Variants in CACNA1B observed in about 807,000 individuals in gnomAD.
CACNA1B encodes the protein voltage-dependent N-type calcium channel subunit alpha-1B.
CACNA1B carries 70 observed loss-of-function variants against 247.2 expected under a neutral mutation model. The ratio of observed to expected loss-of-function variants is 0.28; its 90% CI spans 0.23 to 0.35. The LOEUF (loss-of-function observed/expected upper bound fraction) is 0.35. CACNA1B is among the 10% of genes least tolerant of loss of function. The pLI is 1.00. For missense variants in CACNA1B, 2,367 were observed against 3,197.4 expected, an observed-to-expected ratio of 0.74 and a Z score of 6.26; for synonymous variants, 1,231 against 1,294.4, an observed-to-expected ratio of 0.95 and a Z score of 1.05.
intron 10 of CACNA1B, among the ~76,000 whole-genome samples, chr9:137,964,634 A>T (rs1274316838): frequency 6.6e-6 from 1 of 152,352 alleles, no homozygotes; most frequent in East Asian, 1.9e-4. Flanking sequence ...TTGGGTTACC[A>T]CATGCTCTTA....
intron 3 of CACNA1B, among the ~76,000 whole-genome samples, chr9:137,905,992 G>A (rs534693819): frequency 4.6e-5 from 7 of 152,304 alleles, no homozygotes; most frequent in Admixed American, 2.0e-4. Flanking sequence ...AATACTAGTG[G>A]ACTATGGCAA....
intron 6 of CACNA1B, among the ~76,000 whole-genome samples, chr9:137,920,573 C>T (rs2133288136): frequency 6.6e-6 from 1 of 152,322 alleles, no homozygotes; most frequent in African/African-American, 2.4e-5. Flanking sequence ...TACCCAGGAG[C>T]TGTCAGAATG....
chr9:137,951,619 C>T (rs1042149683), intron 6 of CACNA1B, among the ~76,000 whole-genome samples: 4 of 152,250 alleles, frequency 2.6e-5, no homozygotes, highest in Non-Finnish European at 5.9e-5. Flanking sequence ...AATGAAACAA[C>T]TATGGAATCA....
rs1163014208 is a variant in CACNA1B at position 138,058,038 on chromosome 9, T to C, written c.4107-11T>C. 2 of 1,612,000 alleles carry C rather than the reference T, an allele frequency of 1.2e-6. No individual in the cohort carries two copies. Among genetic ancestry groups the C allele is most frequent in the South Asian group, 2.2e-5 (2 of 91,040 alleles). On this transcript the variant is annotated splice_polypyrimidine_tract_variant and intron_variant, in intron 27 of 46. Coordinates refer to ENST00000371372, the MANE Select transcript of CACNA1B (RefSeq NM_000718.4). This position sits in a 1 kb window ranked among gnomAD's most constrained non-coding sequence, Gnocchi z 4.7. ...GGGGTTCCCCTGACACTTGCTCTCC[T>C]CTTTGCCCAGGGTGCTGAAACACTC... is the stretch of plus-strand genomic sequence containing the variant.
At chr9:138,009,843 G>T (rs1164477720) in intron 16 of CACNA1B, among the ~76,000 whole-genome samples, 167 bp from the exon 17 acceptor site, 1 of 151,836 alleles carries the variant, frequency 6.6e-6, no homozygotes. Flanking sequence ...GGGCTGGAGG[G>T]CCTAGTGGCT....
At chr9:138,066,311 C>T (rs1564269026) in intron 31 of CACNA1B, among the ~76,000 whole-genome samples, 1 of 152,190 alleles carries the variant, frequency 6.6e-6, no homozygotes, top group Non-Finnish European at 1.5e-5. Flanking sequence ...GCGGGGCACG[C>T]TGGCTCACGC....
chr9:137,879,106 G>C lies in CACNA1B; in HGVS notation c.337G>C (p.Ala113Pro). The change falls in exon 2 of 47, where the codon GCC becomes CCC. Residue 113 changes from alanine to proline, a missense_variant. This residue lies in a region of CACNA1B where 130 missense variants were observed against 338.7 expected (regional missense o/e 0.38). Coordinates refer to ENST00000371372, the MANE Select transcript of CACNA1B (RefSeq NM_000718.4). ...CATCATCGCCAACTGCATCGTGCTG[G>C]CCCTGGAGCAGCACCTCCCTGATGG... is the stretch of plus-strand genomic sequence containing the variant. The part of the protein sequence containing the change: ...ATIIANCIVL[A>P]LEQHLPDGDK... 1 of 1,612,568 alleles carries C rather than the reference G, an allele frequency of 6.2e-7. No individual in the cohort carries two copies. Among genetic ancestry groups the C allele is most frequent in the South Asian group, 1.1e-5 (1 of 90,986 alleles).
Position 138,058,363 on chromosome 9 carries a change from C to A in CACNA1B, c.4308+113C>A. ...GGTCAGCTTTGGCTGCCACCGTCTG[C>A]CAACACAGGGGCAGGTCCTCCTTTC... On this transcript the variant is annotated intron_variant, in intron 28 of 46. Transcript: ENST00000371372. The surrounding 1 kb of genome is among the most constrained non-coding windows in gnomAD (Gnocchi z 4.7). 9.5e-7 allele frequency: 1 copy of A among 1,047,572 alleles called. No homozygotes were observed. The highest frequency in any genetic ancestry group is 1.5e-6 in the Non-Finnish European group (1 of 689,198). 64.9% of individuals were successfully genotyped at this position (1,047,572 alleles called of 1,614,324 possible). A position where few individuals can be genotyped will look rare whatever the true frequency, so the allele number is the denominator to read the frequency against.
Position 138,121,418 on chromosome 9 carries a change from T to C in CACNA1B, c.6490-51T>C, listed in dbSNP as rs1354143599. 4 of 68,130 alleles carry C rather than the reference T, an allele frequency of 5.9e-5. No homozygotes were observed. Among genetic ancestry groups the C allele is most frequent in the Non-Finnish European group, 6.8e-5 (3 of 44,056 alleles). 4.2% of individuals were successfully genotyped at this position (68,130 alleles called of 1,614,324 possible). A position where few individuals can be genotyped will look rare whatever the true frequency, so the allele number is the denominator to read the frequency against. ...GATGTGCTCTGTCTGTTGGTTCGGCTTTTTTTTTTTTTTTTTTACCTCTGA... is the reference window on the plus strand; with the variant it reads ...GATGTGCTCTGTCTGTTGGTTCGGCCTTTTTTTTTTTTTTTTTACCTCTGA... On this transcript the variant is annotated intron_variant, in intron 46 of 46. Coordinates refer to ENST00000371372, the MANE Select transcript of CACNA1B (RefSeq NM_000718.4). This position sits in a 1 kb window ranked among gnomAD's most constrained non-coding sequence, Gnocchi z 6.8.
chr9:138,105,875 C>A, intron 39 of CACNA1B, 68 bp downstream of exon 39: 2 of 870,450 alleles, frequency 2.3e-6, no homozygotes, highest in Non-Finnish European at 3.7e-6. Context: ...TCAGTGTCAG[C>A]CCCAGGAGGA....
rs1016762880 is a variant in CACNA1B at position 137,974,271 on chromosome 9, A to T, written c.1544-1636A>T. ...TTGAGGGTGGATCCTTCCATTCCCG[A>T]GCAGCCCTGCCTGAGGGTCGCTGGG... On this transcript the variant is annotated intron_variant, in intron 11 of 46. Transcript: ENST00000371372. The surrounding 1 kb of genome is among the most constrained non-coding windows in gnomAD (Gnocchi z 4.5). 2.0e-5 allele frequency among the ~76,000 whole-genome samples: 3 copies of T among 152,136 alleles called. No homozygotes were observed. Among genetic ancestry groups the T allele is most frequent in the African/African-American group, 7.2e-5 (3 of 41,426 alleles).
intron 10 of CACNA1B, among the ~76,000 whole-genome samples, chr9:137,969,563 T>A (rs1360784476): frequency 6.6e-6 from 1 of 152,138 alleles, no homozygotes; most frequent in Non-Finnish European, 1.5e-5. Context: ...GCCACGTGTG[T>A]GTGCAGACAC....
At chr9:137,911,031 C>A (rs554198830) in intron 3 of CACNA1B, among the ~76,000 whole-genome samples, 2 of 152,212 alleles carry the variant, frequency 1.3e-5, no homozygotes, top group South Asian at 4.1e-4. Context: ...ATATTTAGAT[C>A]TTTGATCCAT....
chr9:137,914,365 C>A lies in CACNA1B; in HGVS notation c.623-289C>A, dbSNP rs1164727436. On this transcript the variant is annotated intron_variant, in intron 4 of 46. Transcript: ENST00000371372. The surrounding 1 kb of genome is among the most constrained non-coding windows in gnomAD (Gnocchi z 4.3). ...CCACTCCCCACCCCAGACTTCATAC[C>A]CTGACACCCCCACATCCCACTCCTC... 6.6e-6 allele frequency among the ~76,000 whole-genome samples: 1 copy of A among 152,034 alleles called. No individual in the cohort carries two copies. Among genetic ancestry groups the A allele is most frequent in the Non-Finnish European group, 1.5e-5 (1 of 68,006 alleles).
At chr9:138,113,554 G>A (rs1342770992) in intron 40 of CACNA1B, among the ~76,000 whole-genome samples, 2 of 133,458 alleles carry the variant, frequency 1.5e-5, no homozygotes, top group African/African-American at 5.7e-5. Flanking sequence ...GTGAGGGAGC[G>A]CAGGAAGGTG....
rs112065322 is a variant in CACNA1B, at chr9:137,919,856, A to G, written c.966+2425A>G. On this transcript the variant is annotated intron_variant, in intron 6 of 46. Coordinates refer to ENST00000371372, the MANE Select transcript of CACNA1B (RefSeq NM_000718.4). This position sits in a 1 kb window ranked among gnomAD's most constrained non-coding sequence, Gnocchi z 4.6. ...GCAGCGGGTGGGGCAGCGTGGGGGC[A>G]CTCCAGCTTGAGGAGAAATGGCTTT... Among the ~76,000 whole-genome samples, 1,514 of 152,158 alleles carry G rather than the reference A, an allele frequency of 1.0e-2. 8 individuals carry two copies. Among genetic ancestry groups the G allele is most frequent in the South Asian group, 0.012 (57 of 4,824 alleles).
At chr9:138,067,795 G>T (rs1260521119) in intron 31 of CACNA1B, among the ~76,000 whole-genome samples, 2 of 152,210 alleles carry the variant, frequency 1.3e-5, no homozygotes, top group Non-Finnish European at 2.9e-5. Context: ...TTGGACATGT[G>T]CATACAACTC....
intron 36 of CACNA1B, among the ~76,000 whole-genome samples, chr9:138,079,750 A>C (rs1439063832): frequency 1.3e-5 from 2 of 150,144 alleles, no homozygotes; most frequent in East Asian, 3.9e-4. Flanking sequence ...CTCAAAAAAA[A>C]AAAAAAAAAA....
chr9:138,022,957 A>AGAGCGGCGGGC, intron 18 of CACNA1B, 54 bp from the exon 19 acceptor site: 1 of 1,447,864 alleles, frequency 6.9e-7, no homozygotes, highest in Non-Finnish European at 9.0e-7. Flanking sequence ...GCCTCCCTGG[A>AGAGCGGCGGGC]GAGCGGCGGG....
Sources: gnomAD v4.1 joint callset for allele counts (sites outside exome capture counted in the v4.1 genomes callset) on GRCh38, gnomAD v4.1.1 for gene constraint, gnomAD v4.1.1 regional missense constraint, Gnocchi (gnomAD v3.1) non-coding constraint, MANE v1.5 for transcripts, NCBI Gene and HGNC (gene_info 2026-07-23, HGNC 2026-07-21) for gene names.